The following APAF1 variants were observed in gnomAD, a reference collection of about 807,000 sequenced individuals.
The protein encoded by APAF1 is apoptotic protease-activating factor 1.
Under a neutral mutation model 152.4 loss-of-function variants are expected in APAF1, and 91 were observed. The observed-to-expected ratio is 0.60, with a 90% confidence interval of 0.50 to 0.71. APAF1 has a LOEUF of 0.71. Among genes scored for constraint, APAF1 ranks in the 30% least tolerant of loss-of-function variants. The probability of loss-of-function intolerance (pLI) is 0.00; values close to 1 mark genes in which losing one functional copy is unlikely to be tolerated. For synonymous variants in APAF1, 484 were observed against 494.1 expected, an observed-to-expected ratio of 0.98 and a Z score of 0.27; for missense variants, 1,283 against 1,472.0, an observed-to-expected ratio of 0.87 and a Z score of 2.10.
chr12:98,648,381 T>C lies in APAF1; in HGVS notation c.22T>C (p.Cys8Arg), dbSNP rs761730145. MDAKARN[C>R]LLQHREALEK... ...GAAGATGGATGCAAAAGCTCGAAAT[T>C]GTTTGCTTCAACATAGAGAAGCTCT... Residue 8 changes from cysteine to arginine, a missense_variant, in exon 2 of 27, where the codon TGT becomes CGT. By Grantham distance (180) the Cys-to-Arg change is radical. Coordinates refer to ENST00000551964, the MANE Select transcript of APAF1 (RefSeq NM_181861.2). 2 of 1,614,106 alleles carry C rather than the reference T, an allele frequency of 1.2e-6. No homozygotes were observed. Among genetic ancestry groups the C allele is most frequent in the African/African-American group, 2.7e-5 (2 of 75,044 alleles).
chr12:98,722,150 C>T (rs1185297508), intron 22 of APAF1, among the ~76,000 whole-genome samples: 2 of 152,196 alleles, frequency 1.3e-5, no homozygotes, highest in Admixed American at 6.5e-5. Flanking sequence ...TACTTTAACT[C>T]CAACATTTAT....
chr12:98,727,099 G>C, intron 25 of APAF1, 74 bp from the exon 26 acceptor site: 1 of 1,296,522 alleles, frequency 7.7e-7, no homozygotes, highest in Non-Finnish European at 1.1e-6. Context: ...CATATATATG[G>C]ACATATATAT....
In APAF1 at chr12:98,665,278, A is replaced by ATT. The variant is rs376318016; in HGVS notation, c.956-261_956-260dup. On this transcript the variant is annotated intron_variant, in intron 7 of 26. Transcript: ENST00000551964. Reference sequence around the variant, plus strand: ...CGCATATATATATATATATATATATATTTTTTTTTTTTTTTGTAATGACAT... The same window carrying ATT: ...CGCATATATATATATATATATATATATTTTTTTTTTTTTTTTTGTAATGACAT... Among the ~76,000 whole-genome samples the ATT allele has an allele frequency of 1.5e-3, 102 of 65,950 alleles. 2 individuals carry two copies. Among genetic ancestry groups the ATT allele is most frequent in the South Asian group, 5.9e-3 (11 of 1,876 alleles). The allele number at this position is 65,950 out of a possible 152,430, so 43.3% of individuals were successfully genotyped here.
chr12:98,721,950 T>A (rs568884455), intron 22 of APAF1, among the ~76,000 whole-genome samples: 1 of 152,362 alleles, frequency 6.6e-6, no homozygotes, highest in African/African-American at 2.4e-5. Flanking sequence ...TGGCTGCTTT[T>A]TCTTTATCTT....
intron 4 of APAF1, among the ~76,000 whole-genome samples, chr12:98,652,189 G>C (rs532273425): frequency 5.9e-4 from 90 of 152,178 alleles, no homozygotes; most frequent in Non-Finnish European, 1.1e-3. Context: ...CTGGGCTCAA[G>C]TGATGCTCCC....
chr12:98,684,701 C>T (rs2097696155), intron 15 of APAF1, among the ~76,000 whole-genome samples: 1 of 151,724 alleles, frequency 6.6e-6, no homozygotes, highest in Admixed American at 6.6e-5. Flanking sequence ...CACTTTTACT[C>T]AAAAAAACTT....
intron 19 of APAF1, among the ~76,000 whole-genome samples, chr12:98,707,559 C>T (rs929076413): frequency 2.6e-5 from 4 of 152,030 alleles, no homozygotes; most frequent in African/African-American, 4.8e-5. Context: ...GGCTCATTGA[C>T]GTATCTTACA....
chr12:98,667,637 T>C lies in APAF1; in HGVS notation c.1487T>C (p.Met496Thr). Residue 496 changes from methionine (M) to threonine (T), a missense_variant, in exon 10 of 27, where the codon ATG becomes ACG. Coordinates refer to ENST00000551964, the MANE Select transcript of APAF1 (RefSeq NM_181861.2). ...GCCTATCACATGGCCAGTGCCAAGA[T>C]GCACAAGGTAAGATGACCCATTTAA... Reference protein sequence around the residue: ...FLAYHMASAKMHKELCALMFS... With the variant: ...FLAYHMASAKTHKELCALMFS... 2 of 1,613,718 alleles carry C rather than the reference T, an allele frequency of 1.2e-6. No individual in the cohort carries two copies. The highest frequency in any genetic ancestry group is 1.1e-5 in the South Asian group (1 of 91,084).
In APAF1 at chr12:98,723,619, GT is replaced by G. The variant is rs199829267; in HGVS notation, c.3205-4del. On this transcript the variant is annotated intron_variant, in intron 23 of 26. Coordinates refer to ENST00000551964, the MANE Select transcript of APAF1 (RefSeq NM_181861.2). ...TTCTTAAAAGTGTCAACCTCCAAGT[GT>G]TTTTTTTTTTTTTTTAAGGTATGGA... The G allele has an allele frequency of 0.18, 237,042 of 1,313,834 alleles. 967 individuals carry two copies. Among genetic ancestry groups the G allele is most frequent in the East Asian group, 0.3 (11,907 of 40,098 alleles). 81.4% of individuals were successfully genotyped at this position (1,313,834 alleles called of 1,614,324 possible). A position where few individuals can be genotyped will look rare whatever the true frequency, so the allele number is the denominator to read the frequency against.
chr12:98,650,995 G>C (rs2097648304), intron 4 of APAF1, among the ~76,000 whole-genome samples: 1 of 152,086 alleles, frequency 6.6e-6, no homozygotes, highest in South Asian at 2.1e-4. Flanking sequence ...CAATTCTAGG[G>C]ATTAAAATTG....
intron 16 of APAF1, among the ~76,000 whole-genome samples, chr12:98,689,309 G>A (rs1336457064): frequency 6.6e-6 from 1 of 152,134 alleles, no homozygotes; most frequent in Non-Finnish European, 1.5e-5. Context: ...GTCCCTGTAT[G>A]TGTTTCTTGG....
intron 22 of APAF1, among the ~76,000 whole-genome samples, chr12:98,721,472 A>G (rs1213871145): frequency 6.6e-6 from 1 of 152,222 alleles, no homozygotes; most frequent in East Asian, 1.9e-4. Context: ...GAGAGCCAGG[A>G]GTTTCCTAGT....
intron 1 of APAF1, among the ~76,000 whole-genome samples, chr12:98,647,719 T>G (rs1593010346): frequency 6.6e-6 from 1 of 150,998 alleles, no homozygotes; most frequent in Non-Finnish European, 1.5e-5. Context: ...TTTTTTTTTT[T>G]TTTTTTCAGC....
chr12:98,708,728 T>G, intron 20 of APAF1, 24 bp downstream of exon 20: 3 of 1,609,228 alleles, frequency 1.9e-6, no homozygotes, highest in Non-Finnish European at 2.5e-6. Context: ...AGAAAACAAT[T>G]GGAAAATTGT....
rs530663930 is a variant in APAF1, at chr12:98,707,457, A to G, written c.2721+847A>G. On this transcript the variant is annotated intron_variant, in intron 19 of 26. Transcript: ENST00000551964. ...GTCTCTCTTAATGCCATCTAATTCT[A>G]TGTCATTTTCTAGTGGTGCTTATCA... Among the ~76,000 whole-genome samples, 513 of 152,210 alleles carry G rather than the reference A, an allele frequency of 3.4e-3. 1 individual carries two copies. The highest frequency in any genetic ancestry group is 7.1e-3 in the South Asian group (34 of 4,814).
At chr12:98,657,281 T>G (rs559935831) in intron 4 of APAF1, among the ~76,000 whole-genome samples, 49 of 152,370 alleles carry the variant, frequency 3.2e-4, no homozygotes, top group South Asian at 6.2e-4. Flanking sequence ...TCTCCTAGAC[T>G]TCAGCCATCA....
In APAF1 at chr12:98,712,315, T is replaced by C. The variant is rs759256347; in HGVS notation, c.2842-4T>C. 67 of 1,584,040 alleles carry C rather than the reference T, an allele frequency of 4.2e-5. 1 individual carries two copies. In the South Asian group the frequency reaches 5.6e-4, roughly 13 times the overall value. On this transcript the variant is annotated splice_polypyrimidine_tract_variant and splice_region_variant and intron_variant, in intron 20 of 26. Coordinates refer to ENST00000551964, the MANE Select transcript of APAF1 (RefSeq NM_181861.2). ...ATAACTGATTTTGCCTCATTTTTCA[T>C]TAGCTCATTAATGGAAGAACAGGTC...
chr12:98,690,888 A>G (rs914710358), intron 16 of APAF1, among the ~76,000 whole-genome samples: 1 of 151,926 alleles, frequency 6.6e-6, no homozygotes, highest in Admixed American at 6.6e-5. Flanking sequence ...CCTCTGCTCC[A>G]TTTTTTCTCA....
intron 10 of APAF1, 45 bp downstream of exon 10, chr12:98,667,689 T>G (rs11613414): frequency 1.3e-6 from 2 of 1,595,874 alleles, no homozygotes. Flanking sequence ...CTTCCCTTTT[T>G]CCATATGTAT....
Sources: gnomAD v4.1 joint callset for allele counts (sites outside exome capture counted in the v4.1 genomes callset) on GRCh38, gnomAD v4.1.1 for gene constraint, MANE v1.5 for transcripts, NCBI Gene and HGNC (gene_info 2026-07-23, HGNC 2026-07-21) for gene names.